Variants in IDUA observed in about 807,000 individuals in gnomAD.
IDUA encodes alpha-L-iduronidase, also known as iduronidase alpha-L-.
A neutral mutation model predicts 68.9 loss-of-function variants in IDUA; 65 were observed. That is an observed-to-expected ratio of 0.94 (90% confidence interval 0.77 to 1.16). The LOEUF (loss-of-function observed/expected upper bound fraction) is 1.16. Ranked by LOEUF, IDUA falls within the 50% of genes most tolerant of loss-of-function variation. The pLI is 0.00. For missense variants in IDUA, 1,046 were observed against 938.0 expected (o/e 1.12, Z -1.50); for synonymous variants, 529 against 433.6 (o/e 1.22, Z -2.73).
intron 2 of IDUA, chr4:991,758 A>T (rs1184662672): frequency 6.5e-7 from 1 of 1,530,510 alleles, no homozygotes; most frequent in African/African-American, 1.4e-5. Flanking sequence ...GCATGGTCAC[A>T]GGAGCCCCCG....
Position 987,948 on chromosome 4 carries a change from A to AGGTGGGC in IDUA, c.299+2_299+8dup. The AGGTGGGC allele has an allele frequency of 7.6e-6, 12 of 1,574,616 alleles. No homozygotes were observed. Among genetic ancestry groups the AGGTGGGC allele is most frequent in the Non-Finnish European group, 9.5e-6 (11 of 1,160,212 alleles). On this transcript the variant is annotated frameshift_variant and splice_region_variant, in exon 2 of 14. Coordinates refer to ENST00000514224, the MANE Select transcript of IDUA (RefSeq NM_000203.5). LOFTEE classifies it high-confidence loss of function. ...CTGGCTGCTGGAGCTTGTCACCACC[A>AGGTGGGC]GGTGGGCGGCGGGCAGGGTCTGGGC...
chr4:990,612 T>C, intron 2 of IDUA: 1 of 544,686 alleles, frequency 1.8e-6, no homozygotes, highest in Non-Finnish European at 3.2e-6. Context: ...TAGACACGTC[T>C]AACCCTTGTC....
intron 2 of IDUA, among the ~76,000 whole-genome samples, chr4:999,243 T>G (rs887610825): frequency 6.6e-6 from 1 of 151,310 alleles, no homozygotes; most frequent in African/African-American, 2.4e-5. Context: ...GCCCTGGCAC[T>G]GCTCAGCTCA....
chr4:1,002,582 C>G (rs1715162448), intron 8 of IDUA, 97 bp downstream of exon 8: 2 of 1,250,414 alleles, frequency 1.6e-6, no homozygotes, highest in Non-Finnish European at 1.0e-6. Context: ...TTCCTCCAGC[C>G]GCGCGCTTCC....
rs184068217 is a variant in IDUA at position 998,979 on chromosome 4, C to T, written c.300-1633C>T. On this transcript the variant is annotated intron_variant, in intron 2 of 13. Transcript: ENST00000514224. ...AAAATGCTCTGGAAGCCAAGGTGGG[C>T]GGATCACGAGGTCAGGAAATGGAAA... Among the ~76,000 whole-genome samples, 451 of 152,100 alleles carry T rather than the reference C, an allele frequency of 3.0e-3. 1 individual carries two copies. Among genetic ancestry groups the T allele is most frequent in the African/African-American group, 7.6e-3 (316 of 41,472 alleles).
chr4:994,306 T>G (rs1056629884), intron 2 of IDUA, among the ~76,000 whole-genome samples: 1 of 151,944 alleles, frequency 6.6e-6, no homozygotes, highest in African/African-American at 2.4e-5. Flanking sequence ...GGCGGAGTCT[T>G]GCTCTGTCAC....
intron 8 of IDUA, 48 bp from the exon 9 acceptor site, chr4:1,002,684 C>G: frequency 3.0e-6 from 4 of 1,324,302 alleles, no homozygotes; most frequent in South Asian, 1.4e-5. Context: ...GGTCGGGGGG[C>G]GGCTGGGCAA....
At chr4:1,003,980 C>T (rs751376999) in intron 12 of IDUA, 32 bp from the exon 13 acceptor site, 30 of 1,559,530 alleles carry the variant, frequency 1.9e-5, no homozygotes, top group Non-Finnish European at 2.6e-5. Context: ...ACTGTCTTGA[C>T]CCCAGCCTTG....
At chr4:999,177 G>C (rs60839121) in intron 2 of IDUA, among the ~76,000 whole-genome samples, 174 of 151,128 alleles carry the variant, frequency 1.2e-3, no homozygotes, top group African/African-American at 3.1e-3. Flanking sequence ...TGCACCCCAG[G>C]CTGGGCAACA....
Position 1,004,306 on chromosome 4 carries a change from C to T in IDUA, c.1875C>T (p.Tyr625=). The T allele has an allele frequency of 6.2e-7, 1 of 1,611,498 alleles. No individual in the cohort carries two copies. The highest frequency in any genetic ancestry group is 1.1e-5 in the South Asian group (1 of 91,078). ...SGSYRVRALD[Y]WARPGPFSDP... ...CCTACCGAGTTCGAGCCCTGGACTA[C>T]TGGGCCCGACCAGGCCCCTTCTCGG... Residue 625 remains tyrosine, a synonymous_variant, in exon 14 of 14, where the codon TAC becomes TAT. Transcript: ENST00000514224. This position sits in a 1 kb window ranked among gnomAD's most constrained non-coding sequence, Gnocchi z 5.0.
intron 2 of IDUA, among the ~76,000 whole-genome samples, chr4:994,266 G>GC (rs898928473): frequency 3.3e-5 from 5 of 150,976 alleles, no homozygotes; most frequent in East Asian, 1.9e-4. Flanking sequence ...ATAGTGAGAC[G>GC]CCCCCCACCT....
chr4:994,466 T>C (rs1173172121), intron 2 of IDUA, among the ~76,000 whole-genome samples: 4 of 138,858 alleles, frequency 2.9e-5, no homozygotes, highest in Admixed American at 7.1e-5. Context: ...GAGACGGAGT[T>C]TCGCTCTGTT....
In IDUA at chr4:1,003,347, C is replaced by G; in HGVS notation, c.1527C>G (p.Asp509Glu). ...EQFRRMRAAE[D>E]PVAAAPRPLP... is the part of the protein sequence containing the mutation. Reference sequence around the variant, plus strand: ...TGAGGACCGGCCACTGCGCCCAGGACCCGGTGGCCGCGGCGCCCCGCCCCT... The same window carrying G: ...TGAGGACCGGCCACTGCGCCCAGGAGCCGGTGGCCGCGGCGCCCCGCCCCT... The change falls in exon 11 of 14, where the codon GAC (aspartate) becomes GAG (glutamate). Residue 509 changes from aspartate (D) to glutamate (E), a missense_variant and splice_region_variant. Coordinates refer to ENST00000514224, the MANE Select transcript of IDUA (RefSeq NM_000203.5). The G allele has an allele frequency of 6.9e-7, 1 of 1,458,048 alleles. No individual in the cohort carries two copies. Among genetic ancestry groups the G allele is most frequent in the Non-Finnish European group, 9.0e-7 (1 of 1,114,668 alleles). The allele number at this position is 1,458,048 out of a possible 1,614,324, so 90.3% of individuals were successfully genotyped here. A position where few individuals can be genotyped will look rare whatever the true frequency, so the allele number is the denominator to read the frequency against.
At chr4:997,371 C>T (rs943552335) in intron 2 of IDUA, among the ~76,000 whole-genome samples, 1 of 150,080 alleles carries the variant, frequency 6.7e-6, no homozygotes, top group Non-Finnish European at 1.5e-5. Context: ...CGCGGCCCTG[C>T]TCCCCACCCC....
Position 1,004,478 on chromosome 4 carries a change from C to A in IDUA, c.*85C>A. 2 of 1,293,304 alleles carry A rather than the reference C, an allele frequency of 1.5e-6. No homozygotes were observed. Among genetic ancestry groups the A allele is most frequent in the Non-Finnish European group, 2.2e-6 (2 of 925,254 alleles). 80.1% of individuals were successfully genotyped at this position (1,293,304 alleles called of 1,614,324 possible). A position where few individuals can be genotyped will look rare whatever the true frequency, so the allele number is the denominator to read the frequency against. Reference sequence around the variant, plus strand: ...CTGTGCCCATGCTGCCCTCCCATCACCCCCTTTGCAATATATTTTTATATT... The same window carrying A: ...CTGTGCCCATGCTGCCCTCCCATCAACCCCTTTGCAATATATTTTTATATT... On this transcript the variant is annotated 3_prime_UTR_variant, in exon 14 of 14. Coordinates refer to ENST00000514224, the MANE Select transcript of IDUA (RefSeq NM_000203.5). This position sits in a 1 kb window ranked among gnomAD's most constrained non-coding sequence, Gnocchi z 5.0.
At chr4:1,003,654 G>C (rs529848329) in intron 12 of IDUA, 29 bp downstream of exon 12, 309 of 1,610,648 alleles carry the variant, frequency 1.9e-4, no homozygotes, top group Non-Finnish European at 2.6e-4. Flanking sequence ...CCCTCCCTCT[G>C]CCTGGTCCTA....
intron 1 of IDUA, 86 bp from the exon 2 acceptor site, chr4:987,723 G>T (rs1432453248): frequency 6.3e-6 from 10 of 1,587,288 alleles, no homozygotes; most frequent in Middle Eastern, 2.0e-4. Context: ...CCTGCGCCCG[G>T]GCAGTCCTGG....
At chr4:1,002,613 CG>C in intron 8 of IDUA, 118 bp from the exon 9 acceptor site, 1 of 1,159,148 alleles carries the variant, frequency 8.6e-7, no homozygotes, top group Non-Finnish European at 1.1e-6. Context: ...CTCCGCGTGG[CG>C]GGGCCTGGGG....
chr4:987,991 A>G, intron 2 of IDUA, 42 bp downstream of exon 2: 17 of 1,536,470 alleles, frequency 1.1e-5, no homozygotes, highest in East Asian at 4.9e-5. Flanking sequence ...AGCCCCTTAC[A>G]GAGGCACAGA....
Sources: allele counts gnomAD v4.1 joint callset (sites outside exome capture counted in the v4.1 genomes callset), GRCh38; gene constraint gnomAD v4.1.1; non-coding constraint Gnocchi (gnomAD v3.1); transcripts MANE v1.5; gene names NCBI Gene and HGNC (gene_info 2026-07-23, HGNC 2026-07-21).